PTPRD: variants seen among roughly 807,000 people sequenced by gnomAD.
PTPRD encodes the protein protein tyrosine phosphatase receptor type D.
Under a neutral mutation model 214.5 loss-of-function variants are expected in PTPRD, and 34 were observed. That is an observed-to-expected ratio of 0.16 (90% CI 0.12 to 0.21). The LOEUF (loss-of-function observed/expected upper bound fraction) is 0.21, where lower values mean the gene tolerates loss of function less well. Ranked by LOEUF, PTPRD falls within the 10% of genes least tolerant of loss-of-function variation. PTPRD has a pLI of 1.00. For missense variants in PTPRD, 2,545 were observed against 2,398.7 expected (o/e 1.06, Z -1.27); for synonymous variants, 1,128 against 845.7 (o/e 1.33, Z -5.79).
intron 11 of PTPRD, among the ~76,000 whole-genome samples, chr9:9,014,195 G>GT (rs1421854251): frequency 1.4e-3 from 49 of 36,014 alleles, no homozygotes; most frequent in African/African-American, 3.2e-3. Flanking sequence ...TTGTTTGTTT[G>GT]TTTGTTTTTT....
chr9:9,911,912 T>A (rs967486203), intron 5 of PTPRD, among the ~76,000 whole-genome samples: 1 of 152,136 alleles, frequency 6.6e-6, no homozygotes, highest in Non-Finnish European at 1.5e-5. Context: ...TACAAAGAGA[T>A]CATCTGTTTT....
intron 11 of PTPRD, among the ~76,000 whole-genome samples, chr9:8,961,104 A>AGT: frequency 6.6e-6 from 1 of 152,108 alleles, no homozygotes. Context: ...GACATGCATA[A>AGT]GGTTCAGTAA....
intron 8 of PTPRD, among the ~76,000 whole-genome samples, chr9:9,528,210 T>G (rs115875283): frequency 0.011 from 1,660 of 152,290 alleles, 23 homozygotes; most frequent in African/African-American, 0.037. Flanking sequence ...AGCCTTTCAC[T>G]GAGCAATTGT....
At chr9:9,816,817 T>C (rs1317090058) in intron 5 of PTPRD, among the ~76,000 whole-genome samples, 1 of 152,022 alleles carries the variant, frequency 6.6e-6, no homozygotes, top group Non-Finnish European at 1.5e-5. Context: ...CCTTCAATAG[T>C]AAGAGCTGGA....
At chr9:9,642,888 A>G (rs1423695389) in intron 7 of PTPRD, among the ~76,000 whole-genome samples, 2 of 152,214 alleles carry the variant, frequency 1.3e-5, no homozygotes, top group African/African-American at 2.4e-5. Flanking sequence ...GTATGTTGCA[A>G]AAACAGAGCT....
chr9:8,782,835 C>A (rs939515429), intron 11 of PTPRD, among the ~76,000 whole-genome samples: 1 of 152,070 alleles, frequency 6.6e-6, no homozygotes, highest in African/African-American at 2.4e-5. Context: ...ACCTCGTGAT[C>A]TGCCCTCCTT....
In PTPRD at chr9:10,249,087, G is replaced by T. The variant is rs572472577; in HGVS notation, c.-545+91876C>A. 1.6e-4 allele frequency among the ~76,000 whole-genome samples: 25 copies of T among 152,134 alleles called. No homozygotes were observed. The East Asian group carries it at 4.3e-3, about 26-fold the overall frequency. ...TGCAGATCTTATATATCTTAAGTCAGCAAATTTGACCTGCATTTCAAAATC... is the reference window on the plus strand; with the variant it reads ...TGCAGATCTTATATATCTTAAGTCATCAAATTTGACCTGCATTTCAAAATC... On this transcript the variant is annotated intron_variant, in intron 3 of 45. Coordinates refer to ENST00000381196, the MANE Select transcript of PTPRD (RefSeq NM_002839.4).
At chr9:8,475,791 G>A (rs551477050) in intron 30 of PTPRD, among the ~76,000 whole-genome samples, 1 of 151,956 alleles carries the variant, frequency 6.6e-6, no homozygotes. Flanking sequence ...CCTATCTCCA[G>A]TGCACGTGCT....
chr9:9,833,169 A>T (rs1034899994), intron 5 of PTPRD, among the ~76,000 whole-genome samples: 1 of 152,052 alleles, frequency 6.6e-6, no homozygotes, highest in Non-Finnish European at 1.5e-5. Context: ...TAAGGGTTCT[A>T]TCAGGGGACC....
intron 3 of PTPRD, among the ~76,000 whole-genome samples, chr9:10,080,229 G>C (rs2098213084): frequency 2.6e-5 from 4 of 152,246 alleles, no homozygotes; most frequent in Admixed American, 2.6e-4. Flanking sequence ...TGGTAGCACA[G>C]AGTAGCAAAA....
intron 7 of PTPRD, among the ~76,000 whole-genome samples, chr9:9,687,926 G>A (rs749725825): frequency 6.6e-6 from 1 of 151,826 alleles, no homozygotes; most frequent in Non-Finnish European, 1.5e-5. Context: ...GAAGAACCTG[G>A]TGGGAGGTGA....
intron 11 of PTPRD, among the ~76,000 whole-genome samples, chr9:8,854,921 T>C (rs1009658202): frequency 1.3e-5 from 2 of 152,186 alleles, no homozygotes; most frequent in African/African-American, 4.8e-5. Context: ...ATCTTTGTCA[T>C]ACACTGAGAA....
intron 2 of PTPRD, among the ~76,000 whole-genome samples, chr9:10,354,012 C>A (rs192325063): frequency 5.9e-5 from 9 of 152,028 alleles, no homozygotes; most frequent in Non-Finnish European, 1.3e-4. Flanking sequence ...CTTCCATGCA[C>A]TCAAAACCTA....
chr9:9,264,879 C>G (rs976406557), intron 9 of PTPRD, among the ~76,000 whole-genome samples: 1 of 141,886 alleles, frequency 7.0e-6, no homozygotes, highest in Non-Finnish European at 1.5e-5. Flanking sequence ...AGTGGAATGA[C>G]GTATTCAAAG....
chr9:10,077,335 T>C (rs2098148370), intron 3 of PTPRD, among the ~76,000 whole-genome samples: 2 of 152,198 alleles, frequency 1.3e-5, no homozygotes, highest in Admixed American at 1.3e-4. Flanking sequence ...GCAAATGTAC[T>C]CTAGCTTCCT....
intron 11 of PTPRD, among the ~76,000 whole-genome samples, chr9:8,839,070 C>A (rs2255109): frequency 6.6e-6 from 1 of 152,022 alleles, no homozygotes; most frequent in African/African-American, 2.4e-5. Context: ...AATATGACTA[C>A]AGTCAATATG....
At chr9:9,750,000 A>G (rs1421124280) in intron 6 of PTPRD, among the ~76,000 whole-genome samples, 1 of 152,172 alleles carries the variant, frequency 6.6e-6, no homozygotes, top group Non-Finnish European at 1.5e-5. Context: ...CCTTCATAAC[A>G]AAGAGCTCTG....
chr9:8,842,010 C>CAAA (rs35878855), intron 11 of PTPRD, among the ~76,000 whole-genome samples: 10,113 of 146,718 alleles, frequency 0.069, 1,008 homozygotes, highest in African/African-American at 0.22. Flanking sequence ...GACACAGTCT[C>CAAA]AAAAAAAAAA....
intron 9 of PTPRD, among the ~76,000 whole-genome samples, chr9:9,205,405 T>A (rs975907676): frequency 6.6e-6 from 1 of 152,190 alleles, no homozygotes; most frequent in East Asian, 1.9e-4. Flanking sequence ...TGATCATGTA[T>A]ATCTAATTAT....
Sources: gnomAD v4.1 joint callset for allele counts (sites outside exome capture counted in the v4.1 genomes callset) on GRCh38, gnomAD v4.1.1 for gene constraint, MANE v1.5 for transcripts, NCBI Gene and HGNC (gene_info 2026-07-23, HGNC 2026-07-21) for gene names.